Variants in FAT3 observed in about 807,000 individuals in gnomAD.
The protein encoded by FAT3 is FAT atypical cadherin 3, also known as protocadherin Fat 3.
In FAT3, 95 loss-of-function variants were observed where a neutral mutation model predicts 310.2. The observed-to-expected ratio is 0.31, with a 90% CI of 0.26 to 0.36. The LOEUF (loss-of-function observed/expected upper bound fraction) is 0.36. Among genes scored for constraint, FAT3 ranks in the 10% least tolerant of loss-of-function variants. The probability of loss-of-function intolerance (pLI) is 1.00; values close to 1 mark genes in which losing one functional copy is unlikely to be tolerated. For missense variants in FAT3, 5,408 were observed against 5,715.6 expected, an observed-to-expected ratio of 0.95 and a Z score of 1.74; for synonymous variants, 2,314 against 2,192.9, an observed-to-expected ratio of 1.06 and a Z score of -1.54.
At position 92,834,945 on chromosome 11, in the gene FAT3, G is replaced by A. The variant is rs1249187080; in HGVS notation, c.9947G>A (p.Gly3316Glu). 2 of 1,613,120 alleles carry A rather than the reference G, an allele frequency of 1.2e-6. No individual in the cohort carries two copies. Among genetic ancestry groups the A allele is most frequent in the Admixed American group, 1.7e-5 (1 of 59,946 alleles). Residue 3316 changes from glycine (G) to glutamate (E), a missense_variant, in exon 15 of 28, where the codon GGG (glycine) becomes GAG (glutamate). Physicochemically the swap from Gly to Glu is moderately conservative, Grantham distance 98. Transcript: ENST00000525166. ...RFYLVVEAKD[G>E]GTPALSAVAT... is the part of the protein sequence containing the mutation. ...TACCTGGTAGTGGAAGCCAAAGATG[G>A]GGGCACCCCAGCTCTCAGCGCTGTG...
chr11:92,352,713 G>C lies in FAT3; in HGVS notation c.601G>C (p.Val201Leu). Residue 201 changes from valine (V) to leucine (L), a missense_variant, in exon 2 of 28, where the codon GTT (valine) becomes CTT (leucine). Transcript: ENST00000525166. The part of the protein sequence containing the change: ...GEFYYYFKNK[V>L]DLFSVHPTSG... ...ATTCTACTACTACTTTAAAAATAAA[G>C]TTGATCTCTTTTCAGTTCACCCCAC... The C allele has an allele frequency of 6.2e-7, 1 of 1,613,770 alleles. No individual in the cohort carries two copies. Among genetic ancestry groups the C allele is most frequent in the Non-Finnish European group, 8.5e-7 (1 of 1,179,858 alleles).
intron 3 of FAT3, among the ~76,000 whole-genome samples, chr11:92,689,662 G>T (rs1391054926): frequency 1.3e-5 from 2 of 152,162 alleles, no homozygotes; most frequent in Non-Finnish European, 2.9e-5. Flanking sequence ...AAGAACAGAT[G>T]GGAGTGGGAA....
intron 4 of FAT3, among the ~76,000 whole-genome samples, chr11:92,714,987 C>T (rs1410404699): frequency 6.6e-6 from 1 of 151,224 alleles, no homozygotes; most frequent in African/African-American, 2.4e-5. Flanking sequence ...TAAAACATTC[C>T]AGTAGTTTAT....
chr11:92,553,897 C>G (rs1040042109), intron 3 of FAT3, among the ~76,000 whole-genome samples: 2 of 151,750 alleles, frequency 1.3e-5, no homozygotes, highest in Admixed American at 1.3e-4. Flanking sequence ...GCTCTGCCTA[C>G]CAGGTTCAAG....
chr11:92,778,038 G>A (rs1215845390), intron 7 of FAT3, among the ~76,000 whole-genome samples: 3 of 151,966 alleles, frequency 2.0e-5, no homozygotes, highest in Non-Finnish European at 2.9e-5. Flanking sequence ...CCATCCTTTA[G>A]TGAGGACTAT....
intron 2 of FAT3, among the ~76,000 whole-genome samples, chr11:92,479,744 C>G (rs1289946877): frequency 6.6e-6 from 1 of 152,192 alleles, no homozygotes; most frequent in Non-Finnish European, 1.5e-5. Context: ...ACACTCTACC[C>G]TCTTGGAACT....
intron 3 of FAT3, among the ~76,000 whole-genome samples, chr11:92,530,143 G>A (rs1050912597): frequency 5.3e-5 from 8 of 152,064 alleles, no homozygotes; most frequent in Admixed American, 5.2e-4. Context: ...CATGCCTTTT[G>A]GTATATGGTA....
intron 2 of FAT3, chr11:92,408,085 G>C (rs376824276): frequency 1.4e-4 from 21 of 152,230 alleles, no homozygotes; most frequent in East Asian, 7.7e-4. Context: ...GAGAGTTCAA[G>C]ATAAAGATTC....
chr11:92,362,714 G>T (rs1348506353), intron 2 of FAT3, among the ~76,000 whole-genome samples: 4 of 152,150 alleles, frequency 2.6e-5, no homozygotes, highest in Admixed American at 6.6e-5. Context: ...CAGTTTGAGT[G>T]TGCCATCTGT....
At chr11:92,584,211 C>G (rs1286174040) in intron 3 of FAT3, among the ~76,000 whole-genome samples, 2 of 151,914 alleles carry the variant, frequency 1.3e-5, no homozygotes, top group African/African-American at 4.8e-5. Context: ...TCAGGTGCGC[C>G]GTTCATCCCA....
chr11:92,394,583 G>A (rs1949820677), intron 2 of FAT3, among the ~76,000 whole-genome samples: 1 of 152,046 alleles, frequency 6.6e-6, no homozygotes. Context: ...TCACTGCTCA[G>A]CTGTGGGATT....
At chr11:92,608,621 G>A (rs77703276) in intron 3 of FAT3, among the ~76,000 whole-genome samples, 1 of 151,842 alleles carries the variant, frequency 6.6e-6, no homozygotes, top group South Asian at 2.1e-4. Context: ...TTGTATATTA[G>A]TATTCCTGGG....
At chr11:92,504,169 C>T (rs1400919306) in intron 2 of FAT3, among the ~76,000 whole-genome samples, 2 of 152,118 alleles carry the variant, frequency 1.3e-5, no homozygotes, top group Non-Finnish European at 2.9e-5. Flanking sequence ...ACAAGTTGTG[C>T]CATGGAAAAC....
intron 2 of FAT3, among the ~76,000 whole-genome samples, chr11:92,489,996 C>T (rs1952557258): frequency 6.6e-6 from 1 of 151,662 alleles, no homozygotes. Flanking sequence ...TTTCATTAAC[C>T]TTTCTTCTGA....
chr11:92,296,697 A>G (rs2134412359), intron 1 of FAT3, among the ~76,000 whole-genome samples: 1 of 152,228 alleles, frequency 6.6e-6, no homozygotes. Flanking sequence ...GCTCAGCGCG[A>G]AATGGAGCTG....
rs568871447 is a variant in FAT3 at position 92,578,759 on chromosome 11, C to T, written c.3607+53811C>T. Among the ~76,000 whole-genome samples, 188 of 152,236 alleles carry T rather than the reference C, an allele frequency of 1.2e-3. 1 individual carries two copies. Among genetic ancestry groups the T allele is most frequent in the Non-Finnish European group, 2.1e-3 (143 of 67,996 alleles). On this transcript the variant is annotated intron_variant, in intron 3 of 27. Coordinates refer to ENST00000525166, the MANE Select transcript of FAT3 (RefSeq NM_001367949.2). ...AATAAGGGGTAATAAAACCTTCCATCTCTCACAGATGAGTGTTTTAGGGAC... is the reference window on the plus strand; with the variant it reads ...AATAAGGGGTAATAAAACCTTCCATTTCTCACAGATGAGTGTTTTAGGGAC...
At chr11:92,470,849 T>G (rs921889176) in intron 2 of FAT3, among the ~76,000 whole-genome samples, 10 of 152,224 alleles carry the variant, frequency 6.6e-5, no homozygotes, top group African/African-American at 2.4e-4. Context: ...TATTTTTATA[T>G]GACGACTTTA....
intron 2 of FAT3, among the ~76,000 whole-genome samples, chr11:92,396,195 T>A (rs188714557): frequency 1.1e-4 from 16 of 152,294 alleles, no homozygotes; most frequent in African/African-American, 3.8e-4. Flanking sequence ...GCCAGGCATT[T>A]TACAACTTTA....
At chr11:92,467,637 C>T (rs1313870737) in intron 2 of FAT3, among the ~76,000 whole-genome samples, 1 of 152,090 alleles carries the variant, frequency 6.6e-6, no homozygotes, top group African/African-American at 2.4e-5. Context: ...GTCATGCATC[C>T]CCAGTCCCTT....
Sources: gnomAD v4.1 joint callset for allele counts (sites outside exome capture counted in the v4.1 genomes callset) on GRCh38, gnomAD v4.1.1 for gene constraint, MANE v1.5 for transcripts, NCBI Gene and HGNC (gene_info 2026-07-23, HGNC 2026-07-21) for gene names.